GALNS: variants seen among roughly 807,000 people sequenced by gnomAD.
The protein encoded by GALNS is galactosamine (N-acetyl)-6-sulfatase.
In GALNS, 65 loss-of-function variants were observed where a neutral mutation model predicts 65.9. The ratio of observed to expected loss-of-function variants is 0.99; its 90% confidence interval spans 0.81 to 1.21. The LOEUF (loss-of-function observed/expected upper bound fraction) is 1.21, where lower values mean the gene tolerates loss of function less well. GALNS is among the 50% of genes most tolerant of loss of function. The probability of loss-of-function intolerance (pLI) is 0.00; values close to 1 mark genes in which losing one functional copy is unlikely to be tolerated. For missense variants in GALNS, 776 were observed against 700.7 expected (o/e 1.11, Z -1.21); for synonymous variants, 346 against 288.9 (o/e 1.20, Z -2.00).
chr16:88,841,266 A>G (rs930244853), intron 3 of GALNS, among the ~76,000 whole-genome samples, 172 bp from the exon 4 acceptor site: 2 of 151,978 alleles, frequency 1.3e-5, no homozygotes, highest in Non-Finnish European at 2.9e-5. Flanking sequence ...ACTTCCCAAG[A>G]TTTTTCCAGG....
Position 88,813,788 on chromosome 16 carries a change from T to TA in GALNS, c.*650dup, listed in dbSNP as rs540150746. On this transcript the variant is annotated 3_prime_UTR_variant, in exon 14 of 14. Transcript: ENST00000268695. Reference sequence around the variant, plus strand: ...CCGTTTTATTTCTAAATAACATAGTTACAATGATAAGAAGCTACACGCCTC... The same window carrying TA: ...CCGTTTTATTTCTAAATAACATAGTTAACAATGATAAGAAGCTACACGCCTC... The TA allele has an allele frequency of 1.8e-4, 28 of 153,598 alleles. 1 individual carries two copies. In the South Asian group the frequency reaches 4.9e-3, roughly 27 times the overall value. 9.5% of individuals were successfully genotyped at this position (153,598 alleles called of 1,614,324 possible).
chr16:88,847,729 A>G (rs550947336), intron 1 of GALNS, among the ~76,000 whole-genome samples: 1 of 152,346 alleles, frequency 6.6e-6, no homozygotes, highest in South Asian at 2.1e-4. Context: ...TTAAAAGTGA[A>G]CTCACTGGAA....
intron 1 of GALNS, chr16:88,855,638 G>A (rs1967793028): frequency 1.6e-6 from 1 of 607,954 alleles, no homozygotes. Flanking sequence ...ATATCTTTAT[G>A]TTAAAAAACC....
In GALNS at chr16:88,841,913, G is replaced by A. The variant is rs79146426; in HGVS notation, c.303C>T (p.Asn101=). ...LPIRNGFYTT[N]AHARNAYTPQ... is the part of the protein sequence containing the mutation. The stretch of plus-strand genomic sequence containing the variant: ...GCAGCCTACCGTTTCTGGCATGGGC[G>A]TTGGTGGTGTAGAAGCCATTGCGGA... Residue 101 remains asparagine, a synonymous_variant, in exon 3 of 14, where the codon AAC becomes AAT. Transcript: ENST00000268695. The A allele has an allele frequency of 1.5e-4, 244 of 1,613,352 alleles. No homozygotes were observed. The African/African-American group carries it at 2.7e-3, about 18-fold the overall frequency.
chr16:88,826,906 C>A, intron 9 of GALNS, 68 bp from the exon 10 acceptor site: 2 of 1,539,990 alleles, frequency 1.3e-6, no homozygotes, highest in Non-Finnish European at 1.8e-6. Context: ...GGGCCAATCC[C>A]TGGGGGGGCG....
chr16:88,821,178 G>A (rs1031826667), intron 12 of GALNS, among the ~76,000 whole-genome samples: 1 of 62,628 alleles, frequency 1.6e-5, no homozygotes, highest in African/African-American at 6.6e-5. Context: ...CTTTTCCAGA[G>A]GCCAGAGGCT....
rs545487543 is a variant in GALNS, at chr16:88,835,103, G to A, written c.898+110C>T. The stretch of plus-strand genomic sequence containing the variant: ...CTGCTCCTCCCGCTGGACCCAGAGG[G>A]ACCCTTCATGCTCTGCCCACCACAG... On this transcript the variant is annotated intron_variant, in intron 8 of 13. Coordinates refer to ENST00000268695, the MANE Select transcript of GALNS (RefSeq NM_000512.5). The A allele has an allele frequency of 4.2e-5, 58 of 1,389,052 alleles. No homozygotes were observed. In the Middle Eastern group the frequency reaches 6.4e-4, roughly 15 times the overall value. 86.0% of individuals were successfully genotyped at this position (1,389,052 alleles called of 1,614,324 possible).
chr16:88,815,159 G>A (rs1295475886), intron 13 of GALNS: 1 of 985,478 alleles, frequency 1.0e-6, no homozygotes, highest in South Asian at 4.7e-5. Flanking sequence ...ATGGGAACTT[G>A]GGAGATGGCA....
chr16:88,817,164 A>G (rs1159808581), intron 13 of GALNS: 1 of 985,452 alleles, frequency 1.0e-6, no homozygotes. Flanking sequence ...GGCCGTCCAC[A>G]TGCCACCCTA....
At position 88,840,974 on chromosome 16, in the gene GALNS, C is replaced by A. The variant is rs778894382; in HGVS notation, c.422+18G>T. 4 of 1,597,548 alleles carry A rather than the reference C, an allele frequency of 2.5e-6. No individual in the cohort carries two copies. The highest frequency in any genetic ancestry group is 3.4e-6 in the Non-Finnish European group (4 of 1,165,778). Reference sequence around the variant, plus strand: ...GGATGGAGCAGGACGCCTGGGCAGGCGTGGCCAGGAGACTTACCACTTGCC... The same window carrying A: ...GGATGGAGCAGGACGCCTGGGCAGGAGTGGCCAGGAGACTTACCACTTGCC... On this transcript the variant is annotated intron_variant, in intron 4 of 13. Coordinates refer to ENST00000268695, the MANE Select transcript of GALNS (RefSeq NM_000512.5).
chr16:88,832,650 CCA>C (rs1911629120), intron 8 of GALNS, among the ~76,000 whole-genome samples: 1 of 152,184 alleles, frequency 6.6e-6, no homozygotes, highest in Admixed American at 6.5e-5. Context: ...TGGCTCACTC[CCA>C]GACATGGAAG....
intron 5 of GALNS, 93 bp from the exon 6 acceptor site, chr16:88,836,360 T>A: frequency 1.9e-6 from 2 of 1,053,720 alleles, no homozygotes; most frequent in Non-Finnish European, 2.9e-6. Flanking sequence ...GGGCTTCATT[T>A]AAAAGAAGGC....
intron 4 of GALNS, among the ~76,000 whole-genome samples, chr16:88,839,220 C>G (rs562309592): frequency 3.0e-4 from 45 of 149,564 alleles, no homozygotes; most frequent in African/African-American, 9.8e-4. Context: ...GGTCACCGCC[C>G]GGCCACAGGG....
intron 1 of GALNS, among the ~76,000 whole-genome samples, chr16:88,852,641 A>G (rs1597599518): frequency 1.3e-5 from 2 of 152,248 alleles, no homozygotes; most frequent in South Asian, 2.1e-4. Flanking sequence ...ACCTTGAAAA[A>G]AGATGAGACG....
chr16:88,832,195 G>T, intron 8 of GALNS, 94 bp from the exon 9 acceptor site: 1 of 1,159,860 alleles, frequency 8.6e-7, no homozygotes, highest in South Asian at 1.3e-5. Context: ...TGGTCATAGG[G>T]ACAAAGGGCC....
At chr16:88,826,387 T>A (rs941691882) in intron 10 of GALNS, among the ~76,000 whole-genome samples, 1 of 20,244 alleles carries the variant, frequency 4.9e-5, no homozygotes, top group African/African-American at 2.0e-4. Flanking sequence ...GGAACAGGGG[T>A]GGGGCGGGCA....
At chr16:88,827,877 C>T (rs1234309772) in intron 9 of GALNS, among the ~76,000 whole-genome samples, 1 of 152,238 alleles carries the variant, frequency 6.6e-6, no homozygotes, top group Admixed American at 6.5e-5. Flanking sequence ...GCTGCCAGGC[C>T]CTGGAGCTCC....
chr16:88,850,168 G>C (rs1967438599), intron 1 of GALNS, among the ~76,000 whole-genome samples: 1 of 152,254 alleles, frequency 6.6e-6, no homozygotes, highest in Non-Finnish European at 1.5e-5. Context: ...ACAAGGCCTG[G>C]GATGGGAGGG....
intron 13 of GALNS, chr16:88,816,085 C>T (rs373049867): frequency 2.0e-6 from 2 of 985,446 alleles, no homozygotes; most frequent in Non-Finnish European, 2.4e-6. Context: ...CATCTGGGCC[C>T]CTCAGACCCC....
Sources: gnomAD v4.1 joint callset for allele counts (sites outside exome capture counted in the v4.1 genomes callset) on GRCh38, gnomAD v4.1.1 for gene constraint, MANE v1.5 for transcripts, NCBI Gene and HGNC (gene_info 2026-07-23, HGNC 2026-07-21) for gene names.